The following STMND1 variants were observed in gnomAD, a reference collection of about 807,000 sequenced individuals.
STMND1 encodes the protein stathmin domain containing 1, also known as stathmin domain-containing protein 1.
A neutral mutation model predicts 23.0 loss-of-function variants in STMND1; 17 were observed. The observed-to-expected ratio is 0.74, with a 90% CI of 0.51 to 1.11. The LOEUF is 1.11. STMND1 is among the 50% of genes least tolerant of loss of function. STMND1 has a pLI of 0.00. For missense variants in STMND1, 305 were observed against 329.1 expected, an observed-to-expected ratio of 0.93 and a Z score of 0.57; for synonymous variants, 114 against 119.9, an observed-to-expected ratio of 0.95 and a Z score of 0.32.
chr6:17,120,753 G>A lies in STMND1; in HGVS notation c.406G>A (p.Val136Ile), dbSNP rs776929207. Residue 136 changes from valine (V) to isoleucine (I), a missense_variant, in exon 3 of 5, where the codon GTC (valine) becomes ATC (isoleucine). By Grantham distance (29) the Val-to-Ile change is conservative (BLOSUM62 3). Coordinates refer to ENST00000536551, the MANE Select transcript of STMND1 (RefSeq NM_001190766.2). ...KVFRNGESYDVTLTTTEKPLR... is the reference protein window; with the variant it reads ...KVFRNGESYDITLTTTEKPLR... ...ATTTAGAAATGGAGAATCATATGATGTCACGGCAAGTAATTTTGTAATTAA... is the reference window on the plus strand; with the variant it reads ...ATTTAGAAATGGAGAATCATATGATATCACGGCAAGTAATTTTGTAATTAA... 6.6e-7 allele frequency: 1 copy of A among 1,522,284 alleles called. No individual in the cohort carries two copies. The highest frequency in any genetic ancestry group is 1.2e-5 in the South Asian group (1 of 82,114). 94.3% of individuals were successfully genotyped at this position (1,522,284 alleles called of 1,614,324 possible).
chr6:17,112,513 C>G (rs1761107591), intron 1 of STMND1, among the ~76,000 whole-genome samples: 1 of 152,034 alleles, frequency 6.6e-6, no homozygotes, highest in African/African-American at 2.4e-5. Flanking sequence ...CATGATGGCT[C>G]ACGCCTGTAA....
chr6:17,102,582 T>C (rs1270721605), intron 1 of STMND1, among the ~76,000 whole-genome samples: 1 of 152,208 alleles, frequency 6.6e-6, no homozygotes, highest in Non-Finnish European at 1.5e-5. Flanking sequence ...TACAGATATA[T>C]GGCTATAAGA....
intron 1 of STMND1, among the ~76,000 whole-genome samples, chr6:17,112,772 G>A (rs942666720): frequency 2.6e-5 from 4 of 151,684 alleles, no homozygotes; most frequent in East Asian, 3.9e-4. Flanking sequence ...GGGAGACTCC[G>A]TCTCAAAAAA....
chr6:17,119,805 G>C (rs1282450313), intron 2 of STMND1, among the ~76,000 whole-genome samples: 3 of 152,252 alleles, frequency 2.0e-5, no homozygotes, highest in African/African-American at 2.4e-5. Context: ...ATAGAAGATA[G>C]CTCATTTCTC....
intron 1 of STMND1, among the ~76,000 whole-genome samples, chr6:17,114,084 C>G (rs1235397866): frequency 6.6e-6 from 1 of 152,098 alleles, no homozygotes; most frequent in Non-Finnish European, 1.5e-5. Flanking sequence ...GATGACTCTA[C>G]AGCATTACAT....
In STMND1 at chr6:17,130,665, A is replaced by G. The variant is rs1761378794; in HGVS notation, c.615A>G (p.Ser205=). The change falls in exon 5 of 5, where the codon TCA becomes TCG. Residue 205 remains serine (S), a synonymous_variant. Coordinates refer to ENST00000536551, the MANE Select transcript of STMND1 (RefSeq NM_001190766.2). ...RLLPSANHSD[S]AELDGAEVAF... is the part of the protein sequence containing the mutation. Reference sequence around the variant, plus strand: ...TGCCTTCAGCCAATCACTCAGATTCAGCTGAATTAGATGGGGCCGAGGTTG... The same window carrying G: ...TGCCTTCAGCCAATCACTCAGATTCGGCTGAATTAGATGGGGCCGAGGTTG... 6.5e-7 allele frequency: 1 copy of G among 1,536,044 alleles called. No homozygotes were observed.
chr6:17,108,964 T>C (rs996659694), intron 1 of STMND1, among the ~76,000 whole-genome samples: 1 of 152,190 alleles, frequency 6.6e-6, no homozygotes, highest in Admixed American at 6.5e-5. Flanking sequence ...CCCAATTTCC[T>C]TTTCTTTTGT....
At chr6:17,114,861 C>A in intron 1 of STMND1, 101 bp from the exon 2 acceptor site, 1 of 1,286,820 alleles carries the variant, frequency 7.8e-7, no homozygotes, top group African/African-American at 1.5e-5. Flanking sequence ...TACAGCCCAC[C>A]ACAGATACTA....
At chr6:17,124,862 G>T (rs1241753464) in intron 3 of STMND1, among the ~76,000 whole-genome samples, 1 of 151,696 alleles carries the variant, frequency 6.6e-6, no homozygotes, top group East Asian at 1.9e-4. Flanking sequence ...AGCTGGGCAT[G>T]GTGGTGTGCA....
intron 3 of STMND1, 79 bp downstream of exon 3, chr6:17,120,837 A>G (rs1286643440): frequency 1.7e-6 from 2 of 1,167,216 alleles, no homozygotes; most frequent in Non-Finnish European, 2.3e-6. Flanking sequence ...CATTATTTCC[A>G]GCATATGCAA....
rs767029579 is a variant in STMND1, at chr6:17,129,157, A to G, written c.457A>G (p.Lys153Glu). The G allele has an allele frequency of 5.9e-6, 9 of 1,535,992 alleles. No individual in the cohort carries two copies. The highest frequency in any genetic ancestry group is 7.0e-6 in the Non-Finnish European group (8 of 1,146,842). Residue 153 changes from lysine (K) to glutamate (E), a missense_variant, in exon 4 of 5, where the codon AAA becomes GAA. Transcript: ENST00000536551. ...KPLRKPPSRL[K>E]KLKIKKQVKD... ...ATTGAGAAAGCCACCTTCCAGACTG[A>G]AAAAACTCAAGATCAAAAAGCAAGT... is the stretch of plus-strand genomic sequence containing the variant.
Position 17,118,646 on chromosome 6 carries a change from A to G in STMND1, c.260-1961A>G, listed in dbSNP as rs1032743267. 7.2e-5 allele frequency among the ~76,000 whole-genome samples: 11 copies of G among 152,240 alleles called. 1 individual carries two copies. The highest frequency in any genetic ancestry group is 5.9e-4 in the Admixed American group (9 of 15,282). On this transcript the variant is annotated intron_variant, in intron 2 of 4. Transcript: ENST00000536551. ...ATGGTTACAATAATTTTATTATGTT[A>G]GCGACAGATGTCAAACATGACATTC...
At chr6:17,127,918 T>A (rs1300972712) in intron 3 of STMND1, 1 of 152,206 alleles carries the variant, frequency 6.6e-6, no homozygotes, top group Non-Finnish European at 1.5e-5. Context: ...GTGTATATAG[T>A]ATAACTCCAT....
intron 2 of STMND1, 25 bp downstream of exon 2, chr6:17,115,164 C>T (rs1001008189): frequency 1.3e-5 from 19 of 1,518,650 alleles, no homozygotes; most frequent in Non-Finnish European, 1.5e-5. Context: ...CCCCCATTCA[C>T]GTAGATCTTC....
In STMND1 at chr6:17,120,760, C is replaced by A. The variant is rs1482303609; in HGVS notation, c.411+2C>A. ...AATGGAGAATCATATGATGTCACGG[C>A]AAGTAATTTTGTAATTAACATTAGC... is the stretch of plus-strand genomic sequence containing the variant. On this transcript the variant is annotated splice_donor_variant, in intron 3 of 4. Coordinates refer to ENST00000536551, the MANE Select transcript of STMND1 (RefSeq NM_001190766.2). LOFTEE classifies it high-confidence loss of function. 2.0e-6 allele frequency: 3 copies of A among 1,518,828 alleles called. No individual in the cohort carries two copies. Among genetic ancestry groups the A allele is most frequent in the Admixed American group, 4.3e-5 (2 of 46,132 alleles). The allele number at this position is 1,518,828 out of a possible 1,614,324, so 94.1% of individuals were successfully genotyped here.
chr6:17,124,442 T>C (rs1455878162), intron 3 of STMND1, among the ~76,000 whole-genome samples: 1 of 152,164 alleles, frequency 6.6e-6, no homozygotes. Context: ...TAGAGTGAAA[T>C]TGAATAAAGG....
intron 1 of STMND1, among the ~76,000 whole-genome samples, chr6:17,109,813 G>T (rs865787806): frequency 6.6e-6 from 1 of 151,998 alleles, no homozygotes; most frequent in Non-Finnish European, 1.5e-5. Context: ...TGTTCCTTCC[G>T]TCCACTCCTG....
intron 1 of STMND1, among the ~76,000 whole-genome samples, chr6:17,106,632 C>T (rs1240586180): frequency 6.6e-6 from 1 of 152,186 alleles, no homozygotes; most frequent in Non-Finnish European, 1.5e-5. Context: ...ATTAATTAAA[C>T]ACTCTATAAC....
intron 1 of STMND1, among the ~76,000 whole-genome samples, chr6:17,111,948 G>A (rs1360731317): frequency 6.6e-6 from 1 of 152,210 alleles, no homozygotes; most frequent in Non-Finnish European, 1.5e-5. Context: ...CCATTAATGA[G>A]GGAGTATCCC....
Sources: gnomAD v4.1 joint callset for allele counts (sites outside exome capture counted in the v4.1 genomes callset) on GRCh38, gnomAD v4.1.1 for gene constraint, MANE v1.5 for transcripts, NCBI Gene and HGNC (gene_info 2026-07-23, HGNC 2026-07-21) for gene names.